Variants in MAST3 observed in about 807,000 individuals in gnomAD.
The protein encoded by MAST3 is microtubule associated serine/threonine kinase 3.
In MAST3, 43 loss-of-function variants were observed where a neutral mutation model predicts 127.0. The ratio of observed to expected loss-of-function variants is 0.34; its 90% CI spans 0.27 to 0.44. The LOEUF (loss-of-function observed/expected upper bound fraction) is 0.44. MAST3 is among the 20% of genes least tolerant of loss of function. The pLI, the probability that MAST3 is intolerant of heterozygous loss-of-function variation, is 1.00. For missense variants in MAST3, 1,390 were observed against 1,919.1 expected, an observed-to-expected ratio of 0.72 and a Z score of 5.15; for synonymous variants, 785 against 809.2, an observed-to-expected ratio of 0.97 and a Z score of 0.51.
chr19:18,136,325 G>T (rs2041889145), intron 18 of MAST3, among the ~76,000 whole-genome samples: 1 of 152,208 alleles, frequency 6.6e-6, no homozygotes, highest in South Asian at 2.1e-4. Context: ...CGGGAAGGAG[G>T]CCCTCGTAAG....
intron 1 of MAST3, among the ~76,000 whole-genome samples, chr19:18,105,783 G>A (rs185928073): frequency 5.3e-5 from 8 of 152,262 alleles, no homozygotes; most frequent in Non-Finnish European, 8.8e-5. Context: ...TCCTTCATGC[G>A]GTGAGGGCAC....
At chr19:18,104,358 T>C (rs1241824881) in intron 1 of MAST3, among the ~76,000 whole-genome samples, 1 of 152,074 alleles carries the variant, frequency 6.6e-6, no homozygotes, top group East Asian at 1.9e-4. Context: ...CAGAGAGACC[T>C]TCGAGGGGTA....
rs893811504 is a variant in MAST3 at position 18,144,556 on chromosome 19, G to A, written c.2675G>A (p.Gly892Asp). The A allele has an allele frequency of 1.1e-5, 17 of 1,609,826 alleles. No homozygotes were observed. In the Admixed American group the frequency reaches 2.2e-4, roughly 21 times the overall value. Residue 892 changes from glycine to aspartate, a missense_variant, in exon 23 of 28, where the codon GGC (glycine) becomes GAC (aspartate). By Grantham distance (94) the Gly-to-Asp change is moderately conservative (BLOSUM62 -1). This residue lies in a region of MAST3 where 816 missense variants were observed against 934.1 expected (regional missense o/e 0.87). Transcript: ENST00000687212. This position sits in a 1 kb window ranked among gnomAD's most constrained non-coding sequence, Gnocchi z 4.0. Reference protein sequence around the residue: ...STPRPLDAGRGRRLGGPRDPA... With the variant: ...STPRPLDAGRDRRLGGPRDPA... ...CCAAGGCCTCTGGATGCCGGCCGGG[G>A]CCGCCGCCTTGGGGGCCCAAGAGAC...
chr19:18,132,079 G>A (rs1193084569), intron 15 of MAST3, 32 bp downstream of exon 15: 2 of 1,612,006 alleles, frequency 1.2e-6, no homozygotes, highest in East Asian at 2.2e-5. Context: ...GGGGCCTCGC[G>A]GAGGGCGGGG....
chr19:18,121,006 T>A lies in MAST3; in HGVS notation c.162-679T>A, dbSNP rs1269330342. 2.7e-5 allele frequency among the ~76,000 whole-genome samples: 4 copies of A among 149,364 alleles called. No individual in the cohort carries two copies. In the East Asian group the frequency reaches 8.0e-4, roughly 30 times the overall value. ...AAAGTACTGGGATTACAGGTGTGAGTCACCATGCCCGACCTAATTTTTGTG... is the reference window on the plus strand; with the variant it reads ...AAAGTACTGGGATTACAGGTGTGAGACACCATGCCCGACCTAATTTTTGTG... On this transcript the variant is annotated intron_variant, in intron 3 of 27. Coordinates refer to ENST00000687212, the MANE Select transcript of MAST3 (RefSeq NM_001393504.1).
At position 18,145,639 on chromosome 19, in the gene MAST3, A is replaced by C; in HGVS notation, c.3040-104A>C. On this transcript the variant is annotated intron_variant, in intron 24 of 27. Transcript: ENST00000687212. This position sits in a 1 kb window ranked among gnomAD's most constrained non-coding sequence, Gnocchi z 5.9. ...AGGATCAGGGAAACTGAGACAGCAC[A>C]AGAGGCAGCAGCTTGCTGGGGTCCC... 2 of 1,342,346 alleles carry C rather than the reference A, an allele frequency of 1.5e-6. No homozygotes were observed. Among genetic ancestry groups the C allele is most frequent in the South Asian group, 3.1e-5 (2 of 64,020 alleles). 83.2% of individuals were successfully genotyped at this position (1,342,346 alleles called of 1,614,324 possible).
At chr19:18,099,776 T>C (rs2037406109) in intron 1 of MAST3, among the ~76,000 whole-genome samples, 1 of 152,224 alleles carries the variant, frequency 6.6e-6, no homozygotes, top group Non-Finnish European at 1.5e-5. Context: ...ATGTAGCCTT[T>C]CTTACCTGTT....
chr19:18,122,605 C>G (rs1226305896), intron 5 of MAST3, 68 bp from the exon 6 acceptor site: 1 of 1,331,026 alleles, frequency 7.5e-7, no homozygotes, highest in Non-Finnish European at 1.1e-6. Context: ...GCCACAGTGT[C>G]TGTTCTTAGT....
chr19:18,133,350 G>C (rs531135358), intron 15 of MAST3, among the ~76,000 whole-genome samples: 2 of 152,184 alleles, frequency 1.3e-5, no homozygotes, highest in South Asian at 4.2e-4. Context: ...GGCAATGACT[G>C]TGTACCTGGC....
At chr19:18,134,787 G>A in intron 16 of MAST3, 30 bp from the exon 17 acceptor site, 1 of 1,613,772 alleles carries the variant, frequency 6.2e-7, no homozygotes. Flanking sequence ...CTGGGGGCTG[G>A]CCTCAGTTTC....
At chr19:18,114,945 C>T (rs1003404768) in intron 3 of MAST3, among the ~76,000 whole-genome samples, 1 of 152,144 alleles carries the variant, frequency 6.6e-6, no homozygotes, top group South Asian at 2.1e-4. Flanking sequence ...TAAAAAGGGA[C>T]CGTTGAACGG....
Position 18,114,192 on chromosome 19 carries a change from CT to C in MAST3, c.161+3466del, listed in dbSNP as rs59829048. ...TCCAGACCCCAGGGATTTTCTTTTT[CT>C]TTTTTTTTTTTTTTAAGACAGTCTT... On this transcript the variant is annotated intron_variant, in intron 3 of 27. Coordinates refer to ENST00000687212, the MANE Select transcript of MAST3 (RefSeq NM_001393504.1). Among the ~76,000 whole-genome samples, 427 of 140,966 alleles carry C rather than the reference CT, an allele frequency of 3.0e-3. 1 individual carries two copies. The highest frequency in any genetic ancestry group is 7.4e-3 in the Middle Eastern group (2 of 270). The allele number at this position is 140,966 out of a possible 152,430, so 92.5% of individuals were successfully genotyped here. A position where few individuals can be genotyped will look rare whatever the true frequency, so the allele number is the denominator to read the frequency against.
At chr19:18,137,385 G>A (rs764328032) in intron 19 of MAST3, 24 bp downstream of exon 19, 4 of 1,606,338 alleles carry the variant, frequency 2.5e-6, no homozygotes, top group South Asian at 1.1e-5. Context: ...CCCCTGGAGG[G>A]GGGGCGGGGG....
chr19:18,115,227 G>T (rs980287313), intron 3 of MAST3, among the ~76,000 whole-genome samples: 3 of 152,058 alleles, frequency 2.0e-5, no homozygotes, highest in Non-Finnish European at 4.4e-5. Flanking sequence ...GGCCTTCACC[G>T]TGGCAGCAGG....
chr19:18,134,504 C>T, intron 15 of MAST3, 75 bp from the exon 16 acceptor site: 4 of 1,506,326 alleles, frequency 2.7e-6, no homozygotes, highest in Non-Finnish European at 3.6e-6. Context: ...TCAGGCGGAG[C>T]CAAGGTCTAG....
chr19:18,128,373 A>G, intron 11 of MAST3, 27 bp from the exon 12 acceptor site: 1 of 1,528,174 alleles, frequency 6.5e-7, no homozygotes, highest in Non-Finnish European at 8.8e-7. Context: ...GGGAGGCTCC[A>G]GCTGAGCCTC....
chr19:18,127,408 G>T (rs780382648), intron 11 of MAST3, among the ~76,000 whole-genome samples: 2 of 152,078 alleles, frequency 1.3e-5, no homozygotes, highest in Non-Finnish European at 2.9e-5. Flanking sequence ...ATTAGGCTGG[G>T]CGTAGTGGCT....
At chr19:18,123,515 C>A in intron 7 of MAST3, 65 bp from the exon 8 acceptor site, 1 of 1,471,308 alleles carries the variant, frequency 6.8e-7, no homozygotes, top group Non-Finnish European at 9.1e-7. Flanking sequence ...GGCTCAGATC[C>A]CCCAACATCC....
At chr19:18,118,006 C>T (rs2039488827) in intron 3 of MAST3, 1 of 609,466 alleles carries the variant, frequency 1.6e-6, no homozygotes, top group Non-Finnish European at 2.1e-6. Flanking sequence ...GAGTTCCAGT[C>T]GCGCTCGGGG....
Sources: gnomAD v4.1 joint callset for allele counts (sites outside exome capture counted in the v4.1 genomes callset) on GRCh38, gnomAD v4.1.1 for gene constraint, gnomAD v4.1.1 regional missense constraint, Gnocchi (gnomAD v3.1) non-coding constraint, MANE v1.5 for transcripts, NCBI Gene and HGNC (gene_info 2026-07-23, HGNC 2026-07-21) for gene names.